Variants in EXT1 observed in about 807,000 individuals in gnomAD.
EXT1 encodes the protein exostosin glycosyltransferase 1.
A neutral mutation model predicts 82.5 loss-of-function variants in EXT1; 20 were observed. That is an observed-to-expected ratio of 0.24 (90% CI 0.17 to 0.35). The LOEUF is 0.35. Ranked by LOEUF, EXT1 falls within the 10% of genes least tolerant of loss-of-function variation. The probability of loss-of-function intolerance (pLI) is 1.00; values close to 1 mark genes in which losing one functional copy is unlikely to be tolerated. For missense variants in EXT1, 757 were observed against 936.5 expected, an observed-to-expected ratio of 0.81 and a Z score of 2.50; for synonymous variants, 348 against 350.8, an observed-to-expected ratio of 0.99 and a Z score of 0.09.
rs753695654 is a variant in EXT1 at position 117,835,439 on chromosome 8, C to T, written c.1164+5G>A. ...ATGTGTTGAAGGCCACAGCCCCTTC[C>T]TTACCTGTAATAACAATCTCTCATC... On this transcript the variant is annotated splice_donor_5th_base_variant and intron_variant, in intron 3 of 10. Transcript: ENST00000378204. 1.9e-6 allele frequency: 3 copies of T among 1,610,948 alleles called. No homozygotes were observed. The South Asian group carries it at 3.3e-5, about 18-fold the overall frequency.
intron 1 of EXT1, among the ~76,000 whole-genome samples, chr8:118,016,894 T>C (rs551521537): frequency 1.4e-4 from 21 of 152,352 alleles, no homozygotes; most frequent in African/African-American, 4.8e-4. Flanking sequence ...TCTGGAGTTC[T>C]GGTGACATTC....
intron 1 of EXT1, among the ~76,000 whole-genome samples, chr8:118,078,795 G>A (rs1194438527): frequency 6.6e-6 from 1 of 152,016 alleles, no homozygotes; most frequent in East Asian, 1.9e-4. Flanking sequence ...CCAAGAGTGA[G>A]ACGTGCACAT....
At chr8:117,967,962 T>A (rs950458486) in intron 1 of EXT1, among the ~76,000 whole-genome samples, 4 of 152,228 alleles carry the variant, frequency 2.6e-5, no homozygotes, top group Non-Finnish European at 4.4e-5. Context: ...AGATTTTAGC[T>A]GCTCTTGCCA....
chr8:118,108,971 T>C (rs1817843150), intron 1 of EXT1, among the ~76,000 whole-genome samples: 1 of 152,184 alleles, frequency 6.6e-6, no homozygotes, highest in Non-Finnish European at 1.5e-5. Context: ...GGTTTTTAAC[T>C]GGCGTAACGT....
Position 118,073,009 on chromosome 8 carries a change from A to G in EXT1, c.962+37076T>C, listed in dbSNP as rs533981715. Among the ~76,000 whole-genome samples, 6 of 152,348 alleles carry G rather than the reference A, an allele frequency of 3.9e-5. 1 individual carries two copies. Among genetic ancestry groups the G allele is most frequent in the African/African-American group, 1.2e-4 (5 of 41,584 alleles). ...GAAAGAAGCCTGAAGTGGAGCAAGA[A>G]TGACCTGATACTGGACTTCAGGGGC... On this transcript the variant is annotated intron_variant, in intron 1 of 10. Coordinates refer to ENST00000378204, the MANE Select transcript of EXT1 (RefSeq NM_000127.3).
chr8:117,831,545 C>G (rs1812098569), intron 3 of EXT1: 1 of 470,636 alleles, frequency 2.1e-6, no homozygotes, highest in African/African-American at 2.0e-5. Context: ...TTTACGGAGT[C>G]TATAGTCTTT....
At chr8:117,926,397 A>G (rs1301079866) in intron 1 of EXT1, among the ~76,000 whole-genome samples, 1 of 152,188 alleles carries the variant, frequency 6.6e-6, no homozygotes, top group Non-Finnish European at 1.5e-5. Flanking sequence ...AACCCCAGAG[A>G]GGGCCTCTTC....
At position 117,804,844 on chromosome 8, in the gene EXT1, T is replaced by C. The variant is rs1563872968; in HGVS notation, c.1933A>G (p.Met645Val). Residue 645 changes from methionine (M) to valine (V), a missense_variant, in exon 10 of 11, where the codon ATG becomes GTG. Around this residue, in one of 4 missense-constraint regions of EXT1, gnomAD observed 128 missense variants for 223.2 expected, o/e 0.57. Transcript: ENST00000378204. ...SHYLPASLKN[M>V]VDQLANCEDI... ...TCACAATTGGCCAATTGGTCCACCA[T>C]GTTCTTCAGGCTGGCTGGCAGGTAA... 9 of 1,614,154 alleles carry C rather than the reference T, an allele frequency of 5.6e-6. No homozygotes were observed. The highest frequency in any genetic ancestry group is 2.2e-5 in the East Asian group (1 of 44,880).
At chr8:117,907,038 C>A (rs1291172419) in intron 1 of EXT1, among the ~76,000 whole-genome samples, 1 of 101,172 alleles carries the variant, frequency 9.9e-6, no homozygotes, top group Non-Finnish European at 2.1e-5. Flanking sequence ...CCATGGCTGA[C>A]CATGCACATT....
At chr8:117,918,717 G>A (rs57705462) in intron 1 of EXT1, among the ~76,000 whole-genome samples, 8,082 of 152,264 alleles carry the variant, frequency 0.053, 552 homozygotes, top group African/African-American at 0.15. Flanking sequence ...GTCCCACTGA[G>A]CTACCAGCCG....
At chr8:117,985,670 A>C (rs577691947) in intron 1 of EXT1, among the ~76,000 whole-genome samples, 9 of 152,034 alleles carry the variant, frequency 5.9e-5, no homozygotes, top group Non-Finnish European at 1.2e-4. Flanking sequence ...TAAAAAAAAA[A>C]CTGTTCATTA....
chr8:117,914,283 T>C (rs1268414694), intron 1 of EXT1, among the ~76,000 whole-genome samples: 1 of 152,210 alleles, frequency 6.6e-6, no homozygotes, highest in Non-Finnish European at 1.5e-5. Context: ...CTTACTTTAA[T>C]CTCTTAATCC....
At chr8:118,045,851 A>C (rs1245233107) in intron 1 of EXT1, among the ~76,000 whole-genome samples, 1 of 151,552 alleles carries the variant, frequency 6.6e-6, no homozygotes, top group East Asian at 1.9e-4. Context: ...GCTGGAGTGC[A>C]GTGGCATGAT....
At chr8:117,921,594 T>C (rs899226817) in intron 1 of EXT1, among the ~76,000 whole-genome samples, 4 of 152,184 alleles carry the variant, frequency 2.6e-5, no homozygotes, top group Non-Finnish European at 5.9e-5. Context: ...AGGGGCTGAG[T>C]AAACTCTGAT....
chr8:118,018,572 A>G (rs1816045287), intron 1 of EXT1, among the ~76,000 whole-genome samples: 1 of 152,204 alleles, frequency 6.6e-6, no homozygotes, highest in Non-Finnish European at 1.5e-5. Context: ...GTTACAGCAG[A>G]CCTAGGAAAC....
At chr8:118,062,491 G>A (rs1816899070) in intron 1 of EXT1, among the ~76,000 whole-genome samples, 1 of 152,164 alleles carries the variant, frequency 6.6e-6, no homozygotes, top group South Asian at 2.1e-4. Flanking sequence ...CAAAGTGAGA[G>A]GATTTGGTCT....
At chr8:117,894,637 T>C (rs1372356753) in intron 1 of EXT1, among the ~76,000 whole-genome samples, 2 of 152,150 alleles carry the variant, frequency 1.3e-5, no homozygotes, top group Non-Finnish European at 2.9e-5. Flanking sequence ...GGGGACTGAA[T>C]TTAAAGTGAC....
chr8:117,955,163 A>C (rs945566955), intron 1 of EXT1, among the ~76,000 whole-genome samples: 8 of 152,176 alleles, frequency 5.3e-5, no homozygotes, highest in African/African-American at 1.7e-4. Context: ...CCAAACACAG[A>C]GGCTTCTATC....
chr8:117,795,421 C>T lies in EXT1; in HGVS notation c.*4291G>A, dbSNP rs1823075248. ...ATAACAGCTTTTTTATCCAGAGGTTCTGTACAGCATTATTGAACTGATGGG... is the reference window on the plus strand; with the variant it reads ...ATAACAGCTTTTTTATCCAGAGGTTTTGTACAGCATTATTGAACTGATGGG... On this transcript the variant is annotated 3_prime_UTR_variant, in exon 11 of 11. Coordinates refer to ENST00000378204, the MANE Select transcript of EXT1 (RefSeq NM_000127.3). The T allele has an allele frequency of 6.7e-6, 1 of 150,104 alleles. No individual in the cohort carries two copies. The highest frequency in any genetic ancestry group is 2.5e-5 in the African/African-American group (1 of 40,648). 9.3% of individuals were successfully genotyped at this position (150,104 alleles called of 1,614,324 possible).
Sources: allele counts gnomAD v4.1 joint callset (sites outside exome capture counted in the v4.1 genomes callset), GRCh38; gene constraint gnomAD v4.1.1; regional missense constraint gnomAD v4.1.1; transcripts MANE v1.5; gene names NCBI Gene and HGNC (gene_info 2026-07-23, HGNC 2026-07-21).